The following PPFIA2 variants were observed in gnomAD, a reference collection of about 807,000 sequenced individuals.
PPFIA2 encodes PPFI scaffold protein A2, also known as liprin-alpha-2.
Under a neutral mutation model 175.5 loss-of-function variants are expected in PPFIA2, and 46 were observed. The ratio of observed to expected loss-of-function variants is 0.26; its 90% CI spans 0.21 to 0.34. The LOEUF is 0.34. Ranked by LOEUF, PPFIA2 falls within the 10% of genes least tolerant of loss-of-function variation. PPFIA2 has a pLI of 1.00. For synonymous variants in PPFIA2, 568 were observed against 511.4 expected, an observed-to-expected ratio of 1.11 and a Z score of -1.49; for missense variants, 1,179 against 1,506.1, an observed-to-expected ratio of 0.78 and a Z score of 3.60.
intron 2 of PPFIA2, among the ~76,000 whole-genome samples, chr12:81,755,222 G>C (rs1479173857): frequency 6.6e-6 from 1 of 152,032 alleles, no homozygotes; most frequent in Non-Finnish European, 1.5e-5. Context: ...ACACACTTAG[G>C]TGCATGATTG....
intron 4 of PPFIA2, among the ~76,000 whole-genome samples, chr12:81,475,842 G>C (rs1281254977): frequency 6.6e-6 from 1 of 152,168 alleles, no homozygotes; most frequent in Non-Finnish European, 1.5e-5. Context: ...CTCCAGAGTA[G>C]CTGGGACTAC....
At chr12:81,580,634 A>G (rs937801116) in intron 4 of PPFIA2, among the ~76,000 whole-genome samples, 2 of 151,592 alleles carry the variant, frequency 1.3e-5, no homozygotes, top group African/African-American at 4.8e-5. Context: ...TCCCTCACTT[A>G]TAACTTCTCT....
chr12:81,593,060 G>C (rs929539108), intron 4 of PPFIA2, among the ~76,000 whole-genome samples: 1 of 152,070 alleles, frequency 6.6e-6, no homozygotes, highest in Non-Finnish European at 1.5e-5. Flanking sequence ...GCCCAGCTAA[G>C]TATCTTTTTG....
chr12:81,603,702 A>G (rs980909898), intron 4 of PPFIA2, among the ~76,000 whole-genome samples: 2 of 151,540 alleles, frequency 1.3e-5, no homozygotes, highest in Non-Finnish European at 3.0e-5. Context: ...ACATGGACAC[A>G]TGGCATTTAA....
At chr12:81,598,165 T>C (rs1344183819) in intron 4 of PPFIA2, 4 of 1,432,236 alleles carry the variant, frequency 2.8e-6, no homozygotes, top group Non-Finnish European at 3.6e-6. Flanking sequence ...CCTTCTTACA[T>C]ACACAGTGAT....
intron 16 of PPFIA2, among the ~76,000 whole-genome samples, chr12:81,355,446 G>A (rs963607583): frequency 6.6e-6 from 1 of 152,156 alleles, no homozygotes. Flanking sequence ...TCAGCTTACA[G>A]TCACTAGCTG....
intron 4 of PPFIA2, among the ~76,000 whole-genome samples, chr12:81,623,001 A>AT (rs928369619): frequency 6.6e-6 from 1 of 152,106 alleles, no homozygotes; most frequent in Non-Finnish European, 1.5e-5. Context: ...TAACTGTATG[A>AT]TAAGGGGGAA....
chr12:81,638,813 G>A lies in PPFIA2; in HGVS notation c.303+37978C>T, dbSNP rs539732429. Among the ~76,000 whole-genome samples the A allele has an allele frequency of 8.7e-3, 1,241 of 142,500 alleles. 5 individuals carry two copies. The highest frequency in any genetic ancestry group is 0.018 in the African/African-American group (686 of 38,508). The allele number at this position is 142,500 out of a possible 152,430, so 93.5% of individuals were successfully genotyped here. On this transcript the variant is annotated intron_variant, in intron 4 of 32. Coordinates refer to ENST00000549396, the MANE Select transcript of PPFIA2 (RefSeq NM_003625.5). The stretch of plus-strand genomic sequence containing the variant: ...CGCCATTCTCCTGCCTCAGCCTCCC[G>A]AGTAGCTGGGACTACAGGCGCCCGC...
intron 4 of PPFIA2, among the ~76,000 whole-genome samples, chr12:81,676,447 G>T (rs889772404): frequency 1.3e-5 from 2 of 151,902 alleles, no homozygotes; most frequent in Admixed American, 1.3e-4. Flanking sequence ...ATTTTTCTCA[G>T]TAACTAGAAA....
intron 3 of PPFIA2, among the ~76,000 whole-genome samples, chr12:81,704,951 G>A (rs1208559648): frequency 6.6e-6 from 1 of 151,256 alleles, no homozygotes; most frequent in Non-Finnish European, 1.5e-5. Context: ...GGGCATGGTG[G>A]CACATGCCTG....
At chr12:81,553,969 T>C (rs1475630334) in intron 4 of PPFIA2, among the ~76,000 whole-genome samples, 1 of 151,992 alleles carries the variant, frequency 6.6e-6, no homozygotes, top group East Asian at 1.9e-4. Flanking sequence ...AGATTTTGGT[T>C]TTAGTTTTAA....
At chr12:81,416,220 C>A (rs1055797798) in intron 7 of PPFIA2, among the ~76,000 whole-genome samples, 2 of 151,526 alleles carry the variant, frequency 1.3e-5, no homozygotes, top group Admixed American at 1.3e-4. Flanking sequence ...AAAGCAAACA[C>A]CAATTTCTAA....
intron 30 of PPFIA2, among the ~76,000 whole-genome samples, chr12:81,266,222 T>A (rs991401400): frequency 6.6e-6 from 1 of 152,198 alleles, no homozygotes; most frequent in African/African-American, 2.4e-5. Flanking sequence ...GAATTATGCA[T>A]CTCTTTATTT....
chr12:81,735,886 A>G (rs2081511532), intron 3 of PPFIA2, among the ~76,000 whole-genome samples: 1 of 151,938 alleles, frequency 6.6e-6, no homozygotes, highest in Admixed American at 6.6e-5. Context: ...TCAATTGACC[A>G]TAAATCTACG....
intron 4 of PPFIA2, among the ~76,000 whole-genome samples, chr12:81,652,130 C>T (rs2067121291): frequency 6.6e-6 from 1 of 150,702 alleles, no homozygotes; most frequent in Admixed American, 6.6e-5. Flanking sequence ...TGTGAAAGAC[C>T]AGTTCTACCT....
intron 4 of PPFIA2, among the ~76,000 whole-genome samples, chr12:81,604,823 C>A (rs1481104721): frequency 1.3e-5 from 2 of 151,658 alleles, no homozygotes; most frequent in Non-Finnish European, 3.0e-5. Context: ...GCTATCACAA[C>A]CACCTCAATT....
intron 4 of PPFIA2, among the ~76,000 whole-genome samples, chr12:81,550,204 T>G (rs972520169): frequency 1.3e-5 from 2 of 152,006 alleles, no homozygotes; most frequent in Admixed American, 1.3e-4. Flanking sequence ...GACAATGCAC[T>G]AAGTGTTATA....
chr12:81,566,993 A>C (rs1316299627), intron 4 of PPFIA2, among the ~76,000 whole-genome samples: 3 of 152,356 alleles, frequency 2.0e-5, no homozygotes, highest in African/African-American at 7.2e-5. Context: ...AATGCAGTTT[A>C]TAAAATATGT....
At chr12:81,341,000 C>G in intron 20 of PPFIA2, 78 bp downstream of exon 20, 1 of 1,404,464 alleles carries the variant, frequency 7.1e-7, no homozygotes, top group African/African-American at 1.4e-5. Context: ...GTTAAGCAGT[C>G]TATTCGACAA....
Sources: allele counts gnomAD v4.1 joint callset (sites outside exome capture counted in the v4.1 genomes callset), GRCh38; gene constraint gnomAD v4.1.1; transcripts MANE v1.5; gene names NCBI Gene and HGNC (gene_info 2026-07-23, HGNC 2026-07-21).